KLHDC10: variants seen among roughly 807,000 people sequenced by gnomAD.
KLHDC10 encodes the protein kelch domain-containing protein 10.
KLHDC10 carries 24 observed loss-of-function variants against 56.1 expected under a neutral mutation model. The ratio of observed to expected loss-of-function variants is 0.43; its 90% CI spans 0.31 to 0.60. The LOEUF (loss-of-function observed/expected upper bound fraction) is 0.60. Ranked by LOEUF, KLHDC10 falls within the 20% of genes least tolerant of loss-of-function variation. KLHDC10 has a pLI of 0.11. For missense variants in KLHDC10, 349 were observed against 567.0 expected (o/e 0.62, Z 3.91); for synonymous variants, 188 against 207.1 (o/e 0.91, Z 0.79).
At chr7:130,081,952 A>T (rs1795614192) in intron 1 of KLHDC10, among the ~76,000 whole-genome samples, 1 of 151,994 alleles carries the variant, frequency 6.6e-6, no homozygotes. Context: ...TAGTTTTTGT[A>T]AAACCTGTTG....
chr7:130,076,182 G>T (rs910498785), intron 1 of KLHDC10, among the ~76,000 whole-genome samples: 1 of 152,078 alleles, frequency 6.6e-6, no homozygotes, highest in Non-Finnish European at 1.5e-5. Context: ...ACTCCTATGA[G>T]AATCTAATGC....
chr7:130,089,551 G>A (rs1795741455), intron 1 of KLHDC10, among the ~76,000 whole-genome samples: 1 of 152,198 alleles, frequency 6.6e-6, no homozygotes, highest in Non-Finnish European at 1.5e-5. Flanking sequence ...AAATTTAAAA[G>A]AAAGTCATTT....
intron 1 of KLHDC10, among the ~76,000 whole-genome samples, chr7:130,092,627 C>T (rs75797414): frequency 0.014 from 2,162 of 152,268 alleles, 66 homozygotes; most frequent in African/African-American, 0.049. Context: ...CCAGTGTTCA[C>T]ACTGATTGTT....
At chr7:130,128,293 G>A (rs1796340157) in intron 8 of KLHDC10, among the ~76,000 whole-genome samples, 1 of 152,166 alleles carries the variant, frequency 6.6e-6, no homozygotes, top group African/African-American at 2.4e-5. Context: ...TTAAGTATTG[G>A]CTTAAACTTG....
At chr7:130,128,889 A>AAAAAAAAATATATATATATATAT in intron 8 of KLHDC10, among the ~76,000 whole-genome samples, 29 of 66,930 alleles carry the variant, frequency 4.3e-4, no homozygotes, top group Non-Finnish European at 6.6e-4. Context: ...AAAAAAAAAA[A>AAAAAAAAATATATATATATATAT]ATATATATAT....
chr7:130,125,938 T>G lies in KLHDC10; in HGVS notation c.931+7T>G, dbSNP rs772897748. On this transcript the variant is annotated splice_region_variant and intron_variant, in intron 7 of 9. Transcript: ENST00000335420. Reference sequence around the variant, plus strand: ...AAACCCCATGAAAAAATAGGTAAATTTAAAGTATTGATTAATTTATCTTTA... The same window carrying G: ...AAACCCCATGAAAAAATAGGTAAATGTAAAGTATTGATTAATTTATCTTTA... The G allele has an allele frequency of 3.8e-6, 6 of 1,563,600 alleles. No homozygotes were observed. The highest frequency in any genetic ancestry group is 2.2e-5 in the East Asian group (1 of 44,488).
rs181372686 is a variant in KLHDC10, at chr7:130,085,746, A to T, written c.167-11175A>T. ...CTACTTGGGAGGCTGAGACATGAGA[A>T]TCGCTTGAACCCAGGAGGTGGAGGT... On this transcript the variant is annotated intron_variant, in intron 1 of 9. Coordinates refer to ENST00000335420, the MANE Select transcript of KLHDC10 (RefSeq NM_014997.4). Among the ~76,000 whole-genome samples the T allele has an allele frequency of 2.0e-5, 3 of 151,204 alleles. No individual in the cohort carries two copies. The East Asian group carries it at 5.9e-4, about 30-fold the overall frequency.
chr7:130,129,004 G>T (rs1383364611), intron 8 of KLHDC10, among the ~76,000 whole-genome samples: 12 of 145,274 alleles, frequency 8.3e-5, no homozygotes, highest in African/African-American at 3.2e-4. Flanking sequence ...AAAAATGGAC[G>T]ATCTGGCAAT....
Position 130,120,628 on chromosome 7 carries a change from T to G in KLHDC10, c.476-121T>G. On this transcript the variant is annotated intron_variant, in intron 3 of 9. Transcript: ENST00000335420. This position sits in a 1 kb window ranked among gnomAD's most constrained non-coding sequence, Gnocchi z 5.1. ...CAGCTACTAGTTAGATGTCAGTGGT[T>G]TGAGCTATCTTATGAGATCATTAAA... 9.9e-7 allele frequency: 1 copy of G among 1,013,580 alleles called. No individual in the cohort carries two copies. The highest frequency in any genetic ancestry group is 1.4e-6 in the Non-Finnish European group (1 of 694,724). The allele number at this position is 1,013,580 out of a possible 1,614,324, so 62.8% of individuals were successfully genotyped here.
In KLHDC10 at chr7:130,135,292, T is replaced by C. The variant is rs1245461404; in HGVS notation, c.*4546T>C. 2 of 154,302 alleles carry C rather than the reference T, an allele frequency of 1.3e-5. No individual in the cohort carries two copies. Among genetic ancestry groups the C allele is most frequent in the African/African-American group, 2.4e-5 (1 of 41,492 alleles). 9.6% of individuals were successfully genotyped at this position (154,302 alleles called of 1,614,324 possible). On this transcript the variant is annotated 3_prime_UTR_variant, in exon 10 of 10. Coordinates refer to ENST00000335420, the MANE Select transcript of KLHDC10 (RefSeq NM_014997.4). The stretch of plus-strand genomic sequence containing the variant: ...AACACACTCTCTAAAGCCACTTCCT[T>C]GTGCACAGAGTCTGCACAGGGAGAG...
chr7:130,071,931 C>G (rs545647952), intron 1 of KLHDC10, among the ~76,000 whole-genome samples: 4 of 152,120 alleles, frequency 2.6e-5, no homozygotes, highest in African/African-American at 9.6e-5. Flanking sequence ...GAGACAATTG[C>G]TTATGTTCGT....
At chr7:130,081,163 T>C (rs1462662249) in intron 1 of KLHDC10, among the ~76,000 whole-genome samples, 1 of 151,830 alleles carries the variant, frequency 6.6e-6, no homozygotes, top group African/African-American at 2.4e-5. Flanking sequence ...TACACCCGGC[T>C]AATTTTTTGT....
At chr7:130,101,308 A>G (rs1027184191) in intron 2 of KLHDC10, among the ~76,000 whole-genome samples, 4 of 152,194 alleles carry the variant, frequency 2.6e-5, no homozygotes, top group African/African-American at 9.6e-5. Context: ...TAGAAATTTT[A>G]GGGTACCAGA....
chr7:130,074,979 T>C (rs1197964684), intron 1 of KLHDC10, among the ~76,000 whole-genome samples: 4 of 152,184 alleles, frequency 2.6e-5, no homozygotes, highest in South Asian at 4.1e-4. Context: ...AACAATAGTT[T>C]GTGAAACCTT....
At chr7:130,104,384 G>A (rs748171533) in intron 2 of KLHDC10, among the ~76,000 whole-genome samples, 5 of 152,130 alleles carry the variant, frequency 3.3e-5, no homozygotes, top group Non-Finnish European at 5.9e-5. Flanking sequence ...AAAATTTACA[G>A]GTGTAGTATT....
chr7:130,127,256 G>A (rs1796326998), intron 7 of KLHDC10, 148 bp from the exon 8 acceptor site: 2 of 654,842 alleles, frequency 3.1e-6, no homozygotes, highest in Admixed American at 5.3e-5. Flanking sequence ...GAAATAAGGA[G>A]GGAGTGGAAG....
chr7:130,081,358 A>C (rs989795971), intron 1 of KLHDC10, among the ~76,000 whole-genome samples: 2 of 149,796 alleles, frequency 1.3e-5, no homozygotes, highest in Non-Finnish European at 3.0e-5. Flanking sequence ...CTCCCTTGTC[A>C]CTCAGGCTGC....
rs1192746144 is a variant in KLHDC10, at chr7:130,083,493, A to T, written c.166+12684A>T. On this transcript the variant is annotated intron_variant, in intron 1 of 9. Coordinates refer to ENST00000335420, the MANE Select transcript of KLHDC10 (RefSeq NM_014997.4). ...GAGGAGAGATTTTTTAAAAACTTGG[A>T]ATTTCCTGTGCTACACTGTTTTTTG... Among the ~76,000 whole-genome samples, 5 of 152,246 alleles carry T rather than the reference A, an allele frequency of 3.3e-5. No individual in the cohort carries two copies. In the South Asian group the frequency reaches 6.2e-4, roughly 19 times the overall value.
At chr7:130,122,250 G>T in intron 5 of KLHDC10, 48 bp downstream of exon 5, 1 of 1,590,156 alleles carries the variant, frequency 6.3e-7, no homozygotes, top group South Asian at 1.1e-5. Flanking sequence ...GCTAACATTT[G>T]ACCTCTTTCA....
Sources: gnomAD v4.1 joint callset for allele counts (sites outside exome capture counted in the v4.1 genomes callset) on GRCh38, gnomAD v4.1.1 for gene constraint, Gnocchi (gnomAD v3.1) non-coding constraint, MANE v1.5 for transcripts, NCBI Gene and HGNC (gene_info 2026-07-23, HGNC 2026-07-21) for gene names.